CFAP20DC: variants seen among roughly 807,000 people sequenced by gnomAD.
The protein encoded by CFAP20DC is protein CFAP20DC.
CFAP20DC carries 84 observed loss-of-function variants against 101.7 expected under a neutral mutation model. The observed-to-expected ratio is 0.83, with a 90% CI of 0.69 to 0.99. The LOEUF (loss-of-function observed/expected upper bound fraction) is 0.99, where lower values mean the gene tolerates loss of function less well. CFAP20DC is among the 50% of genes least tolerant of loss of function. CFAP20DC has a pLI of 0.00. For missense variants in CFAP20DC, 1,007 were observed against 970.3 expected (o/e 1.04, Z -0.50); for synonymous variants, 359 against 351.2 (o/e 1.02, Z -0.25).
chr3:58,909,882 C>G (rs2083970351), intron 6 of CFAP20DC, among the ~76,000 whole-genome samples: 1 of 152,130 alleles, frequency 6.6e-6, no homozygotes, highest in Non-Finnish European at 1.5e-5. Flanking sequence ...TCTCCCTCCT[C>G]TTGTTCCCTA....
rs764979034 is a variant in CFAP20DC at position 58,913,615 on chromosome 3, AC to A, written c.550+92del. 113 of 1,262,730 alleles carry A rather than the reference AC, an allele frequency of 8.9e-5. No individual in the cohort carries two copies. Among genetic ancestry groups the A allele is most frequent in the Non-Finnish European group, 1.3e-4 (113 of 865,416 alleles). 78.2% of individuals were successfully genotyped at this position (1,262,730 alleles called of 1,614,324 possible). A position where few individuals can be genotyped will look rare whatever the true frequency, so the allele number is the denominator to read the frequency against. On this transcript the variant is annotated intron_variant, in intron 6 of 16. Coordinates refer to ENST00000482387, the MANE Select transcript of CFAP20DC (RefSeq NM_001394063.1). The surrounding 1 kb of genome is among the most constrained non-coding windows in gnomAD (Gnocchi z 4.4). ...TTTACTTTAGCAGACATAACATCAAACTGCTACCACACACTCATACTATCCC... is the reference window on the plus strand; with the variant it reads ...TTTACTTTAGCAGACATAACATCAAATGCTACCACACACTCATACTATCCC...
At chr3:58,857,992 G>T (rs1367151408) in intron 12 of CFAP20DC, among the ~76,000 whole-genome samples, 1 of 152,110 alleles carries the variant, frequency 6.6e-6, no homozygotes, top group Non-Finnish European at 1.5e-5. Flanking sequence ...TTATGTGCAT[G>T]AGAAGTTAGT....
Position 58,859,616 on chromosome 3 carries a change from T to G in CFAP20DC, c.1593+3942A>C, listed in dbSNP as rs1040553918. Among the ~76,000 whole-genome samples, 3 of 152,284 alleles carry G rather than the reference T, an allele frequency of 2.0e-5. No homozygotes were observed. Among genetic ancestry groups the G allele is most frequent in the Admixed American group, 1.3e-4 (2 of 15,302 alleles). ...GCTTCAATAGATAATAATAAAGACATGTAGATGTGAACAGCCTAAAAAGAT... is the reference window on the plus strand; with the variant it reads ...GCTTCAATAGATAATAATAAAGACAGGTAGATGTGAACAGCCTAAAAAGAT... On this transcript the variant is annotated intron_variant, in intron 12 of 16. Coordinates refer to ENST00000482387, the MANE Select transcript of CFAP20DC (RefSeq NM_001394063.1). This position sits in a 1 kb window ranked among gnomAD's most constrained non-coding sequence, Gnocchi z 4.1.
chr3:58,984,671 A>G (rs1445141674), intron 4 of CFAP20DC, among the ~76,000 whole-genome samples: 1 of 152,212 alleles, frequency 6.6e-6, no homozygotes, highest in African/African-American at 2.4e-5. Flanking sequence ...GGAAAAAATG[A>G]TTAGCATTAA....
At chr3:58,786,327 C>T (rs112376023) in intron 15 of CFAP20DC, among the ~76,000 whole-genome samples, 425 of 152,250 alleles carry the variant, frequency 2.8e-3, no homozygotes, top group Non-Finnish European at 4.3e-3. Context: ...CACAGAGTCT[C>T]TGCTCCCATG....
intron 14 of CFAP20DC, among the ~76,000 whole-genome samples, chr3:58,822,762 T>G (rs2075773849): frequency 6.6e-6 from 1 of 152,060 alleles, no homozygotes; most frequent in African/African-American, 2.4e-5. Flanking sequence ...CACCTACAAA[T>G]GGATATTGAT....
At chr3:58,773,645 T>C (rs1367476586) in intron 15 of CFAP20DC, among the ~76,000 whole-genome samples, 1 of 152,186 alleles carries the variant, frequency 6.6e-6, no homozygotes, top group Non-Finnish European at 1.5e-5. Context: ...TTCCTGGAAA[T>C]TGTCAAGTTT....
rs1261706434 is a variant in CFAP20DC, at chr3:58,945,606, G to A, written c.279-7844C>T. Among the ~76,000 whole-genome samples the A allele has an allele frequency of 3.3e-5, 5 of 151,956 alleles. No individual in the cohort carries two copies. The South Asian group carries it at 6.2e-4, about 19-fold the overall frequency. The stretch of plus-strand genomic sequence containing the variant: ...ACTTCAAATCCTCTCAGTTATTAGC[G>A]AGGACTCCTGAGAATCACTGATTGC... On this transcript the variant is annotated intron_variant, in intron 4 of 16. Transcript: ENST00000482387.
At position 58,971,261 on chromosome 3, in the gene CFAP20DC, A is replaced by T. The variant is rs1237914515; in HGVS notation, c.279-33499T>A. On this transcript the variant is annotated intron_variant, in intron 4 of 16. Transcript: ENST00000482387. This position sits in a 1 kb window ranked among gnomAD's most constrained non-coding sequence, Gnocchi z 4.1. The stretch of plus-strand genomic sequence containing the variant: ...TTCACAAATCACAAATCAGTTAAGG[A>T]TTCACAATTATCAACACAAACTATG... 6.6e-6 allele frequency among the ~76,000 whole-genome samples: 1 copy of T among 152,220 alleles called. No homozygotes were observed. Among genetic ancestry groups the T allele is most frequent in the East Asian group, 1.9e-4 (1 of 5,208 alleles).
chr3:58,856,313 C>CACAG (rs1404190760), intron 12 of CFAP20DC, among the ~76,000 whole-genome samples: 1 of 131,520 alleles, frequency 7.6e-6, no homozygotes, highest in Non-Finnish European at 1.6e-5. Context: ...CACACACACA[C>CACAG]ATAACTGATG....
chr3:58,978,102 T>C (rs889327580), intron 4 of CFAP20DC, among the ~76,000 whole-genome samples: 2 of 152,240 alleles, frequency 1.3e-5, no homozygotes, highest in Admixed American at 6.5e-5. Context: ...TCTTTGTTCC[T>C]GGGTGGAGCA....
At chr3:58,940,208 G>T (rs1223134248) in intron 4 of CFAP20DC, among the ~76,000 whole-genome samples, 1 of 152,214 alleles carries the variant, frequency 6.6e-6, no homozygotes, top group Non-Finnish European at 1.5e-5. Flanking sequence ...CAGGAAAATT[G>T]CTGGGAGTAC....
intron 4 of CFAP20DC, among the ~76,000 whole-genome samples, chr3:58,992,190 G>A (rs778892609): frequency 4.6e-5 from 7 of 152,164 alleles, no homozygotes; most frequent in African/African-American, 7.2e-5. Context: ...TCTGATTCCA[G>A]GTTGTGTGCT....
chr3:58,889,876 C>T (rs2082004154), intron 6 of CFAP20DC, among the ~76,000 whole-genome samples: 1 of 126,398 alleles, frequency 7.9e-6, no homozygotes, highest in East Asian at 2.2e-4. Flanking sequence ...GGGGTAAGGT[C>T]ACAGATCAAC....
In CFAP20DC at chr3:58,963,274, T is replaced by C. The variant is rs140005687; in HGVS notation, c.279-25512A>G. Reference sequence around the variant, plus strand: ...AATGCTTCCTAATTTGTTGTAAGAGTTGATGTCCATAGTCCTGAAATGGTT... The same window carrying C: ...AATGCTTCCTAATTTGTTGTAAGAGCTGATGTCCATAGTCCTGAAATGGTT... On this transcript the variant is annotated intron_variant, in intron 4 of 16. Transcript: ENST00000482387. 6.2e-4 allele frequency among the ~76,000 whole-genome samples: 93 copies of C among 150,240 alleles called. 1 individual carries two copies. Among genetic ancestry groups the C allele is most frequent in the African/African-American group, 2.2e-3 (90 of 40,966 alleles).
At chr3:58,821,747 G>A (rs1261019400) in intron 14 of CFAP20DC, among the ~76,000 whole-genome samples, 4 of 150,520 alleles carry the variant, frequency 2.7e-5, no homozygotes, top group Admixed American at 6.6e-5. Context: ...CGATTCCTCA[G>A]GGATCTAGAA....
In CFAP20DC at chr3:58,966,027, T is replaced by C. The variant is rs538629462; in HGVS notation, c.279-28265A>G. On this transcript the variant is annotated intron_variant, in intron 4 of 16. Coordinates refer to ENST00000482387, the MANE Select transcript of CFAP20DC (RefSeq NM_001394063.1). Reference sequence around the variant, plus strand: ...ACTGGAAATTAACCAAAGGATTGCATCAGTCTGGGAAGTATTCAAGAAAAA... The same window carrying C: ...ACTGGAAATTAACCAAAGGATTGCACCAGTCTGGGAAGTATTCAAGAAAAA... Among the ~76,000 whole-genome samples, 19 of 152,326 alleles carry C rather than the reference T, an allele frequency of 1.2e-4. 1 individual carries two copies. The South Asian group carries it at 3.7e-3, about 30-fold the overall frequency.
chr3:58,745,712 T>C (rs2068146473), intron 16 of CFAP20DC, among the ~76,000 whole-genome samples: 1 of 152,228 alleles, frequency 6.6e-6, no homozygotes, highest in African/African-American at 2.4e-5. Context: ...ATAACTTTCT[T>C]AGTAACTCAG....
intron 4 of CFAP20DC, among the ~76,000 whole-genome samples, chr3:58,943,413 G>T (rs2088902905): frequency 6.6e-6 from 1 of 152,172 alleles, no homozygotes. Flanking sequence ...GCCTCTGCTG[G>T]TGATACCCAG....
Sources: gnomAD v4.1 joint callset for allele counts (sites outside exome capture counted in the v4.1 genomes callset) on GRCh38, gnomAD v4.1.1 for gene constraint, Gnocchi (gnomAD v3.1) non-coding constraint, MANE v1.5 for transcripts, NCBI Gene and HGNC (gene_info 2026-07-23, HGNC 2026-07-21) for gene names.